Variants in CNTNAP2 observed in about 807,000 individuals in gnomAD.
The protein encoded by CNTNAP2 is contactin associated protein 2.
CNTNAP2 carries 98 observed loss-of-function variants against 155.2 expected under a neutral mutation model. The ratio of observed to expected loss-of-function variants is 0.63; its 90% CI spans 0.54 to 0.75. The LOEUF (loss-of-function observed/expected upper bound fraction) is 0.75. Among genes scored for constraint, CNTNAP2 ranks in the 30% least tolerant of loss-of-function variants. The pLI is 0.00. For missense variants in CNTNAP2, 1,727 were observed against 1,688.1 expected, an observed-to-expected ratio of 1.02 and a Z score of -0.40; for synonymous variants, 651 against 631.2, an observed-to-expected ratio of 1.03 and a Z score of -0.47.
At chr7:147,604,844 C>G (rs1202352431) in intron 12 of CNTNAP2, among the ~76,000 whole-genome samples, 1 of 152,150 alleles carries the variant, frequency 6.6e-6, no homozygotes, top group Non-Finnish European at 1.5e-5. Context: ...CACTCTGAGG[C>G]CTTCAATAAT....
chr7:146,473,120 G>A (rs1438814739), intron 1 of CNTNAP2, among the ~76,000 whole-genome samples: 4 of 152,038 alleles, frequency 2.6e-5, no homozygotes, highest in South Asian at 2.1e-4. Flanking sequence ...AGAGTTGTCC[G>A]TGATCTAGCA....
In CNTNAP2 at chr7:146,327,768, A is replaced by G. The variant is rs1801120834; in HGVS notation, c.97+210795A>G. 2.6e-5 allele frequency among the ~76,000 whole-genome samples: 4 copies of G among 152,342 alleles called. No homozygotes were observed. The South Asian group carries it at 6.2e-4, about 24-fold the overall frequency. The stretch of plus-strand genomic sequence containing the variant: ...ACAAAAAGAATATTAAGCATGTCCT[A>G]TTTTAAGTAGAAGGATTAAGAGCTT... On this transcript the variant is annotated intron_variant, in intron 1 of 23. Coordinates refer to ENST00000361727, the MANE Select transcript of CNTNAP2 (RefSeq NM_014141.6).
At chr7:146,926,870 G>C (rs1448732405) in intron 3 of CNTNAP2, among the ~76,000 whole-genome samples, 1 of 152,052 alleles carries the variant, frequency 6.6e-6, no homozygotes, top group African/African-American at 2.4e-5. Flanking sequence ...CAAAAAATGT[G>C]ATACATTTTA....
chr7:146,337,087 T>G (rs1167230732), intron 1 of CNTNAP2, among the ~76,000 whole-genome samples: 1 of 152,186 alleles, frequency 6.6e-6, no homozygotes, highest in Non-Finnish European at 1.5e-5. Flanking sequence ...GTGCTATAGT[T>G]ACGTTAAATG....
chr7:147,313,650 G>C (rs1033621886), intron 9 of CNTNAP2, among the ~76,000 whole-genome samples: 23 of 151,960 alleles, frequency 1.5e-4, no homozygotes, highest in African/African-American at 4.1e-4. Flanking sequence ...TTACCATGCT[G>C]TTTTGGTTAC....
chr7:148,057,192 TC>T (rs536459128), intron 15 of CNTNAP2, among the ~76,000 whole-genome samples: 255 of 152,226 alleles, frequency 1.7e-3, no homozygotes, highest in African/African-American at 6.0e-3. Flanking sequence ...TCGTAAACCC[TC>T]AGATAGTACC....
intron 15 of CNTNAP2, among the ~76,000 whole-genome samples, chr7:148,090,338 T>C (rs529624737): frequency 4.6e-5 from 7 of 152,120 alleles, no homozygotes; most frequent in African/African-American, 1.7e-4. Flanking sequence ...AATGAGAGGA[T>C]GTATTCACAA....
chr7:148,262,171 A>C (rs188142872), intron 20 of CNTNAP2, among the ~76,000 whole-genome samples: 19 of 152,202 alleles, frequency 1.2e-4, no homozygotes, highest in Non-Finnish European at 2.4e-4. Flanking sequence ...AGGTGTCTCT[A>C]ATCAACTGGG....
intron 13 of CNTNAP2, among the ~76,000 whole-genome samples, chr7:147,841,438 C>T (rs966431318): frequency 3.9e-5 from 6 of 152,018 alleles, no homozygotes; most frequent in African/African-American, 9.7e-5. Flanking sequence ...AGGGAAAGAC[C>T]GAGACTGAGA....
chr7:146,669,343 C>A (rs117548062), intron 1 of CNTNAP2, among the ~76,000 whole-genome samples: 7 of 152,062 alleles, frequency 4.6e-5, no homozygotes, highest in Non-Finnish European at 1.5e-5. Flanking sequence ...TGAATAGAAA[C>A]CTATTTAATT....
chr7:147,629,791 C>G (rs1795051303), intron 12 of CNTNAP2, among the ~76,000 whole-genome samples: 1 of 151,866 alleles, frequency 6.6e-6, no homozygotes, highest in Non-Finnish European at 1.5e-5. Context: ...GATAGTGACA[C>G]AACTTATCAA....
intron 1 of CNTNAP2, among the ~76,000 whole-genome samples, chr7:146,244,281 C>G (rs573579541): frequency 1.3e-5 from 2 of 152,192 alleles, no homozygotes; most frequent in South Asian, 4.1e-4. Flanking sequence ...GCTTTGATGA[C>G]TTGGAGAAAC....
intron 20 of CNTNAP2, among the ~76,000 whole-genome samples, chr7:148,263,771 T>A (rs961141038): frequency 5.3e-5 from 8 of 151,472 alleles, no homozygotes; most frequent in African/African-American, 1.9e-4. Flanking sequence ...AAAGTTTATA[T>A]AAATAAATGT....
intron 1 of CNTNAP2, among the ~76,000 whole-genome samples, chr7:146,591,288 G>A (rs536147576): frequency 3.9e-5 from 6 of 152,106 alleles, no homozygotes; most frequent in African/African-American, 1.2e-4. Context: ...CAAGCATTTC[G>A]GATGAGGGAT....
intron 1 of CNTNAP2, among the ~76,000 whole-genome samples, chr7:146,389,999 C>A (rs183626104): frequency 6.6e-6 from 1 of 152,036 alleles, no homozygotes; most frequent in African/African-American, 2.4e-5. Context: ...TAGAGCCCAG[C>A]CCCGTATTTC....
At chr7:147,140,620 T>G (rs1032550455) in intron 8 of CNTNAP2, among the ~76,000 whole-genome samples, 1 of 152,094 alleles carries the variant, frequency 6.6e-6, no homozygotes, top group Admixed American at 6.6e-5. Context: ...CTTCTTGGAA[T>G]GCAAATCTAA....
chr7:148,410,378 T>C (rs1176532958), intron 23 of CNTNAP2, among the ~76,000 whole-genome samples: 1 of 152,064 alleles, frequency 6.6e-6, no homozygotes, highest in African/African-American at 2.4e-5. Context: ...AAGACCAGCC[T>C]GGCCAACATG....
At chr7:148,391,725 G>A (rs1182276226) in intron 22 of CNTNAP2, among the ~76,000 whole-genome samples, 1 of 152,126 alleles carries the variant, frequency 6.6e-6, no homozygotes, top group Non-Finnish European at 1.5e-5. Context: ...AATCTTATTT[G>A]CTTGGAATGA....
chr7:147,948,619 A>G (rs539587007), intron 14 of CNTNAP2, among the ~76,000 whole-genome samples: 2 of 146,234 alleles, frequency 1.4e-5, no homozygotes, highest in East Asian at 3.9e-4. Flanking sequence ...GTATATATAC[A>G]TATATATTTA....
Sources: allele counts gnomAD v4.1 joint callset (sites outside exome capture counted in the v4.1 genomes callset), GRCh38; gene constraint gnomAD v4.1.1; transcripts MANE v1.5; gene names NCBI Gene and HGNC (gene_info 2026-07-23, HGNC 2026-07-21).